Variants in LRFN5 observed in about 807,000 individuals in gnomAD.
LRFN5 encodes the protein leucine-rich repeat and fibronectin type-III domain-containing protein 5.
LRFN5 carries 24 observed loss-of-function variants against 45.6 expected under a neutral mutation model. The ratio of observed to expected loss-of-function variants is 0.53; its 90% CI spans 0.38 to 0.74. The LOEUF is 0.74. Ranked by LOEUF, LRFN5 falls within the 30% of genes least tolerant of loss-of-function variation. The pLI is 0.00. For synonymous variants in LRFN5, 340 were observed against 313.8 expected, an observed-to-expected ratio of 1.08 and a Z score of -0.88; for missense variants, 776 against 861.5, an observed-to-expected ratio of 0.90 and a Z score of 1.24.
At chr14:41,622,127 C>CTTTTTTTTTTTTT (rs35981090) in intron 1 of LRFN5, among the ~76,000 whole-genome samples, 1 of 144,816 alleles carries the variant, frequency 6.9e-6, no homozygotes, top group African/African-American at 2.5e-5. Context: ...TTCCATCCCT[C>CTTTTTTTTTTTTT]TTTTTTTTTT....
chr14:41,741,321 G>C (rs928761945), intron 1 of LRFN5, among the ~76,000 whole-genome samples: 1 of 151,672 alleles, frequency 6.6e-6, no homozygotes, highest in East Asian at 1.9e-4. Flanking sequence ...AGCAATTGTA[G>C]TCAAAACAGC....
At chr14:41,693,951 G>A (rs1346784877) in intron 1 of LRFN5, among the ~76,000 whole-genome samples, 2 of 151,914 alleles carry the variant, frequency 1.3e-5, no homozygotes, top group Non-Finnish European at 2.9e-5. Flanking sequence ...TCTATAAATA[G>A]TAGTTGCTGA....
At chr14:41,635,529 C>G (rs916780519) in intron 1 of LRFN5, among the ~76,000 whole-genome samples, 10 of 151,998 alleles carry the variant, frequency 6.6e-5, no homozygotes, top group African/African-American at 2.2e-4. Context: ...GAATACTAAG[C>G]GTGCAGTAGG....
chr14:41,656,680 A>G (rs140353303), intron 1 of LRFN5, among the ~76,000 whole-genome samples: 1 of 152,022 alleles, frequency 6.6e-6, no homozygotes, highest in East Asian at 1.9e-4. Context: ...CATTGTTATG[A>G]TTCAAATGCT....
rs142573350 is a variant in LRFN5, at chr14:41,852,327, A to C, written c.-20-34279A>C. 6.1e-3 allele frequency among the ~76,000 whole-genome samples: 927 copies of C among 151,966 alleles called. 5 individuals carry two copies. Among genetic ancestry groups the C allele is most frequent in the African/African-American group, 0.022 (895 of 41,514 alleles). ...ATATGTAAAGGAAGACAACCTTCTA[A>C]TTTATCACTACCATCAACATTAAAG... is the stretch of plus-strand genomic sequence containing the variant. On this transcript the variant is annotated intron_variant, in intron 2 of 5. Transcript: ENST00000298119.
intron 2 of LRFN5, among the ~76,000 whole-genome samples, chr14:41,829,804 A>T (rs888141935): frequency 6.6e-6 from 1 of 150,764 alleles, no homozygotes; most frequent in African/African-American, 2.4e-5. Context: ...CTTTTTTTTT[A>T]AATTTCTGCT....
At chr14:41,728,404 C>T (rs142320774) in intron 1 of LRFN5, among the ~76,000 whole-genome samples, 129 of 152,182 alleles carry the variant, frequency 8.5e-4, no homozygotes, top group Non-Finnish European at 1.5e-3. Flanking sequence ...CTTAATGAGT[C>T]CAAAGACTCT....
Position 41,750,429 on chromosome 14 carries a change from C to T in LRFN5, c.-196-16425C>T, listed in dbSNP as rs75672875. Among the ~76,000 whole-genome samples, 966 of 151,928 alleles carry T rather than the reference C, an allele frequency of 6.4e-3. 4 individuals are homozygous for T. The highest frequency in any genetic ancestry group is 0.023 in the South Asian group (111 of 4,822). On this transcript the variant is annotated intron_variant, in intron 1 of 5. Coordinates refer to ENST00000298119, the MANE Select transcript of LRFN5 (RefSeq NM_152447.5). ...TGGCATAGACCTGTGCAAGAGACAT[C>T]ATCTTTGGGCCTTGAAAATGAGAGC...
chr14:41,669,263 A>G (rs1008752964), intron 1 of LRFN5, among the ~76,000 whole-genome samples: 2 of 151,954 alleles, frequency 1.3e-5, no homozygotes, highest in Non-Finnish European at 2.9e-5. Flanking sequence ...CAAAACTGGA[A>G]CCCATACAAA....
chr14:41,774,681 A>C (rs1281781612), intron 2 of LRFN5, among the ~76,000 whole-genome samples: 1 of 152,212 alleles, frequency 6.6e-6, no homozygotes, highest in Admixed American at 6.5e-5. Context: ...CTTGATTTTG[A>C]AAAGCGTTAA....
At chr14:41,803,001 T>C (rs1051002879) in intron 2 of LRFN5, among the ~76,000 whole-genome samples, 2 of 152,170 alleles carry the variant, frequency 1.3e-5, no homozygotes, top group Admixed American at 1.3e-4. Flanking sequence ...TTGTGTCCTA[T>C]ATAATAATGC....
intron 1 of LRFN5, among the ~76,000 whole-genome samples, chr14:41,688,937 A>C (rs2138700444): frequency 6.6e-6 from 1 of 150,978 alleles, no homozygotes; most frequent in East Asian, 1.9e-4. Flanking sequence ...AAGGAAAAAG[A>C]AAAAAGCTGG....
chr14:41,736,262 C>A (rs1884426256), intron 1 of LRFN5, among the ~76,000 whole-genome samples: 1 of 152,174 alleles, frequency 6.6e-6, no homozygotes, highest in Non-Finnish European at 1.5e-5. Flanking sequence ...ACCTCTCCAG[C>A]ATCCATTGTT....
chr14:41,835,557 A>G (rs1888631812), intron 2 of LRFN5, among the ~76,000 whole-genome samples: 1 of 152,102 alleles, frequency 6.6e-6, no homozygotes, highest in Admixed American at 6.5e-5. Flanking sequence ...GAAACTCTGT[A>G]TCTACAAAAA....
chr14:41,642,503 G>GACCTAAC (rs1879625790), intron 1 of LRFN5, among the ~76,000 whole-genome samples: 2 of 152,280 alleles, frequency 1.3e-5, no homozygotes, highest in African/African-American at 4.8e-5. Context: ...TTGAGGTAAT[G>GACCTAAC]CATAGGTCAA....
intron 2 of LRFN5, among the ~76,000 whole-genome samples, chr14:41,823,458 T>A (rs1053801531): frequency 4.0e-5 from 6 of 149,662 alleles, no homozygotes; most frequent in African/African-American, 1.5e-4. Context: ...TTTAAAGGAC[T>A]GAAAATAGGA....
intron 2 of LRFN5, among the ~76,000 whole-genome samples, chr14:41,804,608 T>G (rs895739378): frequency 2.6e-5 from 4 of 152,074 alleles, no homozygotes; most frequent in African/African-American, 4.8e-5. Flanking sequence ...GAAGGACTAT[T>G]ATCATTTAAA....
chr14:41,786,138 T>C (rs1446132384), intron 2 of LRFN5, among the ~76,000 whole-genome samples: 1 of 152,202 alleles, frequency 6.6e-6, no homozygotes, highest in East Asian at 1.9e-4. Flanking sequence ...TTATAAACTC[T>C]ACAACATAGA....
chr14:41,889,790 A>G (rs912632122), intron 3 of LRFN5, among the ~76,000 whole-genome samples: 7 of 152,200 alleles, frequency 4.6e-5, no homozygotes, highest in East Asian at 1.9e-4. Context: ...TTCAGTTGCA[A>G]CTGAAGGAAC....
Sources: allele counts gnomAD v4.1 joint callset (sites outside exome capture counted in the v4.1 genomes callset), GRCh38; gene constraint gnomAD v4.1.1; transcripts MANE v1.5; gene names NCBI Gene and HGNC (gene_info 2026-07-23, HGNC 2026-07-21).